Variants in NOS2 observed in about 807,000 individuals in gnomAD.
NOS2 encodes nitric oxide synthase, inducible.
A neutral mutation model predicts 136.0 loss-of-function variants in NOS2; 96 were observed. The ratio of observed to expected loss-of-function variants is 0.71; its 90% CI spans 0.60 to 0.84. The LOEUF (loss-of-function observed/expected upper bound fraction) is 0.84, where lower values mean the gene tolerates loss of function less well. NOS2 is among the 40% of genes least tolerant of loss of function. The pLI is 0.00. For synonymous variants in NOS2, 539 were observed against 587.5 expected, an observed-to-expected ratio of 0.92 and a Z score of 1.20; for missense variants, 1,237 against 1,496.9, an observed-to-expected ratio of 0.83 and a Z score of 2.87.
intron 12 of NOS2, 60 bp from the exon 13 acceptor site, chr17:27,773,303 G>A (rs1908558405): frequency 1.2e-5 from 14 of 1,186,088 alleles, no homozygotes; most frequent in African/African-American, 1.5e-5. Flanking sequence ...TCAGCTCGCG[G>A]ATGCTGGAGT....
At chr17:27,770,744 A>G (rs564889142) in intron 15 of NOS2, among the ~76,000 whole-genome samples, 169 bp downstream of exon 15, 1 of 152,352 alleles carries the variant, frequency 6.6e-6, no homozygotes, top group African/African-American at 2.4e-5. Context: ...TGGCACTCCC[A>G]TATGGCAATA....
rs141730458 is a variant in NOS2, at chr17:27,758,902, C to T, written c.3333G>A (p.Glu1111=). 2.9e-4 allele frequency: 466 copies of T among 1,604,340 alleles called. 1 individual carries two copies. In the African/African-American group the frequency reaches 5.4e-3, roughly 19 times the overall value. The change falls in exon 26 of 27, where the codon GAG becomes GAA. Residue 1111 remains glutamate, a synonymous_variant. Coordinates refer to ENST00000313735, the MANE Select transcript of NOS2 (RefSeq NM_000625.4). ...ATACCTTGAGCTGAAAGAAATAGTC[C>T]TCGACCTGCTCCTCATTCAATTTCA... ...AKLKLNEEQV[E]DYFFQLKSQK...
chr17:27,770,014 C>A (rs1412990098), intron 15 of NOS2, among the ~76,000 whole-genome samples: 4 of 152,226 alleles, frequency 2.6e-5, no homozygotes, highest in African/African-American at 4.8e-5. Flanking sequence ...AGGTATGTGA[C>A]CCAGCAGAAC....
At chr17:27,772,230 G>A in intron 14 of NOS2, 78 bp downstream of exon 14, 1 of 1,516,014 alleles carries the variant, frequency 6.6e-7, no homozygotes, top group African/African-American at 1.4e-5. Context: ...ATCCAGGAGT[G>A]GGGAAACCGT....
chr17:27,770,984 G>A lies in NOS2; in HGVS notation c.1738C>T (p.Leu580=), dbSNP rs761181462. 3 of 1,614,112 alleles carry A rather than the reference G, an allele frequency of 1.9e-6. No individual in the cohort carries two copies. Among genetic ancestry groups the A allele is most frequent in the East Asian group, 4.5e-5 (2 of 44,880 alleles). The change falls in exon 15 of 27, where the codon CTG becomes TTG. Residue 580 remains leucine, a synonymous_variant. Coordinates refer to ENST00000313735, the MANE Select transcript of NOS2 (RefSeq NM_000625.4). ...ACCAACAGCAGCCGTTCCTCCTCCA[G>A]GCAGCTCAGCCTGTACTTATCCATG... is the stretch of plus-strand genomic sequence containing the variant. The part of the protein sequence containing the change: ...VCMDKYRLSC[L]EEERLLLVVT...
At chr17:27,782,826 C>T in intron 6 of NOS2, 118 bp downstream of exon 6, 2 of 989,732 alleles carry the variant, frequency 2.0e-6, no homozygotes, top group Non-Finnish European at 3.0e-6. Context: ...AGAGAGGATC[C>T]AGGGCCATGG....
chr17:27,794,314 G>C (rs894326154), intron 2 of NOS2, among the ~76,000 whole-genome samples: 1 of 152,210 alleles, frequency 6.6e-6, no homozygotes, highest in African/African-American at 2.4e-5. Context: ...CTGGGTTAGG[G>C]GTGACTTCTA....
rs1567632064 is a variant in NOS2, at chr17:27,760,089, G to A, written c.3100C>T (p.Gln1034Ter). The A allele has an allele frequency of 2.5e-6, 4 of 1,605,400 alleles. No homozygotes were observed. The highest frequency in any genetic ancestry group is 3.4e-6 in the Non-Finnish European group (4 of 1,176,320). ...TGCACCGCATGCAGCACCCCCTTCT[G>A]GGCCATCTCCAGCATCTCCTCCTGG... ...IYQEEMLEMA[Q>*]KGVLHAVHTA... The change falls in exon 25 of 27, where the codon CAG (glutamine) becomes TAG (stop). Residue 1034 changes from glutamine (Q) to a stop codon, truncating the protein, a stop_gained. Transcript: ENST00000313735. LOFTEE classifies it high-confidence loss of function.
At chr17:27,784,855 C>T (rs190902166) in intron 5 of NOS2, among the ~76,000 whole-genome samples, 113 of 152,306 alleles carry the variant, frequency 7.4e-4, no homozygotes, top group African/African-American at 2.6e-3. Flanking sequence ...GTTCACACCC[C>T]CAGGTTCTCT....
At chr17:27,784,133 AACACAC>A (rs3838880) in intron 5 of NOS2, among the ~76,000 whole-genome samples, 1 of 147,118 alleles carries the variant, frequency 6.8e-6, no homozygotes, top group Non-Finnish European at 1.5e-5. Flanking sequence ...AAGGCTTTGA[AACACAC>A]ACACACACAC....
rs1908169648 is a variant in NOS2, at chr17:27,762,717, G to A, written c.2800+81C>T. The A allele has an allele frequency of 3.9e-6, 4 of 1,025,882 alleles. No homozygotes were observed. The South Asian group carries it at 4.4e-5, about 11-fold the overall frequency. The allele number at this position is 1,025,882 out of a possible 1,614,324, so 63.5% of individuals were successfully genotyped here. A position where few individuals can be genotyped will look rare whatever the true frequency, so the allele number is the denominator to read the frequency against. ...GTTCCCTCCCTCCTTGAACTGATGA[G>A]GGAGCTGAATCTGAGTTGATGAACA... On this transcript the variant is annotated intron_variant, in intron 22 of 26. Coordinates refer to ENST00000313735, the MANE Select transcript of NOS2 (RefSeq NM_000625.4).
At position 27,772,440 on chromosome 17, in the gene NOS2, A is replaced by G; in HGVS notation, c.1572T>C (p.Phe524=). The G allele has an allele frequency of 1.2e-6, 2 of 1,614,004 alleles. No individual in the cohort carries two copies. The highest frequency in any genetic ancestry group is 1.3e-5 in the African/African-American group (1 of 75,052). Residue 524 remains phenylalanine, a synonymous_variant, in exon 14 of 27, where the codon TTT becomes TTC. Coordinates refer to ENST00000313735, the MANE Select transcript of NOS2 (RefSeq NM_000625.4). ...PLKVLVKAVL[F]ACMLMRKTMA... ...TTGTCTTGCGCATCAGCATACAGGC[A>G]AAGAGCACAGCTCTGTGGGGACAGA...
At chr17:27,792,185 T>G (rs925937070) in intron 2 of NOS2, among the ~76,000 whole-genome samples, 1 of 152,226 alleles carries the variant, frequency 6.6e-6, no homozygotes, top group African/African-American at 2.4e-5. Flanking sequence ...CTGGTCCCAT[T>G]GTCCATGGCT....
intron 6 of NOS2, among the ~76,000 whole-genome samples, chr17:27,782,647 C>A (rs916378210): frequency 1.5e-4 from 23 of 152,208 alleles, no homozygotes; most frequent in African/African-American, 5.1e-4. Flanking sequence ...TGCAGCACCA[C>A]GGCCTCAAGT....
At chr17:27,794,771 C>G (rs991815244) in intron 2 of NOS2, among the ~76,000 whole-genome samples, 1 of 151,496 alleles carries the variant, frequency 6.6e-6, no homozygotes. Context: ...TAATTGTTTA[C>G]GAAGGTATAG....
In NOS2 at chr17:27,794,595, A is replaced by T. The variant is rs139863319; in HGVS notation, c.110+4105T>A. On this transcript the variant is annotated intron_variant, in intron 2 of 26. Transcript: ENST00000313735. The stretch of plus-strand genomic sequence containing the variant: ...AGAGGGCACATATTTATTTCTAGCC[A>T]ACTGCAGCCCAGCAAGCAACACATA... 3.4e-3 allele frequency among the ~76,000 whole-genome samples: 512 copies of T among 152,294 alleles called. 1 individual carries two copies. Among genetic ancestry groups the T allele is most frequent in the African/African-American group, 0.012 (494 of 41,554 alleles).
At chr17:27,768,928 T>C in intron 17 of NOS2, 49 bp downstream of exon 17, 1 of 1,521,592 alleles carries the variant, frequency 6.6e-7, no homozygotes, top group Non-Finnish European at 8.8e-7. Flanking sequence ...TAGGCATGAA[T>C]GCACCCTGTC....
chr17:27,767,581 A>T, intron 18 of NOS2, 124 bp downstream of exon 18: 1 of 1,119,288 alleles, frequency 8.9e-7, no homozygotes, highest in Non-Finnish European at 1.2e-6. Context: ...TCTTGCATGC[A>T]GTGAGAGGGA....
chr17:27,759,504 C>A (rs1285374773), intron 25 of NOS2, among the ~76,000 whole-genome samples: 1 of 152,156 alleles, frequency 6.6e-6, no homozygotes, highest in East Asian at 1.9e-4. Context: ...CAGTCAGGGA[C>A]TCTCTGCTCC....
Sources: gnomAD v4.1 joint callset for allele counts (sites outside exome capture counted in the v4.1 genomes callset) on GRCh38, gnomAD v4.1.1 for gene constraint, MANE v1.5 for transcripts, NCBI Gene and HGNC (gene_info 2026-07-23, HGNC 2026-07-21) for gene names.